The following SRGAP3 variants were observed in gnomAD, a reference collection of about 807,000 sequenced individuals.
SRGAP3 encodes the protein SLIT-ROBO Rho GTPase activating protein 3.
A neutral mutation model predicts 121.1 loss-of-function variants in SRGAP3; 39 were observed. The observed-to-expected ratio is 0.32, with a 90% CI of 0.25 to 0.42. The LOEUF (loss-of-function observed/expected upper bound fraction) is 0.42, where lower values mean the gene tolerates loss of function less well. Among genes scored for constraint, SRGAP3 ranks in the 10% least tolerant of loss-of-function variants. SRGAP3 has a pLI of 1.00. For missense variants in SRGAP3, 1,213 were observed against 1,470.6 expected, an observed-to-expected ratio of 0.82 and a Z score of 2.86; for synonymous variants, 601 against 570.0, an observed-to-expected ratio of 1.05 and a Z score of -0.77.
chr3:9,302,815 G>A (rs780736603), intron 3 of SRGAP3, among the ~76,000 whole-genome samples: 20 of 152,078 alleles, frequency 1.3e-4, no homozygotes, highest in Non-Finnish European at 2.2e-4. Context: ...ACAGTCTCCC[G>A]GGTACAAGGG....
chr3:9,268,296 G>GGCTCTC (rs1954404008), intron 3 of SRGAP3, among the ~76,000 whole-genome samples: 2 of 147,572 alleles, frequency 1.4e-5, no homozygotes, highest in Non-Finnish European at 1.5e-5. Flanking sequence ...AGAGAGAAGA[G>GGCTCTC]TCTCTCTCTC....
At chr3:9,361,957 A>G (rs2030876921) in intron 1 of SRGAP3, among the ~76,000 whole-genome samples, 1 of 152,314 alleles carries the variant, frequency 6.6e-6, no homozygotes, top group African/African-American at 2.4e-5. Context: ...ACAGAGAGGC[A>G]TGAAGCTCAA....
intron 4 of SRGAP3, among the ~76,000 whole-genome samples, chr3:9,066,870 G>A (rs1946457695): frequency 6.6e-6 from 1 of 152,186 alleles, no homozygotes; most frequent in Non-Finnish European, 1.5e-5. Context: ...CTGGCCAGGA[G>A]TCAATGTGGC....
At chr3:9,298,511 T>G (rs75514914) in intron 3 of SRGAP3, among the ~76,000 whole-genome samples, 27 of 152,268 alleles carry the variant, frequency 1.8e-4, no homozygotes, top group African/African-American at 6.3e-4. Flanking sequence ...GGCCAAACAA[T>G]TCCACCCCTC....
intron 1 of SRGAP3, among the ~76,000 whole-genome samples, chr3:9,137,390 G>A (rs777910329): frequency 6.6e-6 from 1 of 152,152 alleles, no homozygotes; most frequent in Non-Finnish European, 1.5e-5. Context: ...ATGCTGGGAA[G>A]GCAGTGCTGG....
chr3:9,305,880 G>T (rs1955152752), intron 3 of SRGAP3, among the ~76,000 whole-genome samples: 2 of 152,190 alleles, frequency 1.3e-5, no homozygotes, highest in African/African-American at 4.8e-5. Context: ...ACGTGTGCAT[G>T]TGTCTTTATA....
chr3:9,351,119 C>T (rs974355280), intron 1 of SRGAP3, among the ~76,000 whole-genome samples: 1 of 152,090 alleles, frequency 6.6e-6, no homozygotes, highest in Non-Finnish European at 1.5e-5. Flanking sequence ...AAAGGAGGCT[C>T]TTGCAACCTA....
At position 9,159,573 on chromosome 3, in the gene SRGAP3, C is replaced by A. The variant is rs77543853; in HGVS notation, c.68-34656G>T. Among the ~76,000 whole-genome samples the A allele has an allele frequency of 8.2e-3, 1,254 of 152,310 alleles. 30 individuals are homozygous for A. The highest frequency in any genetic ancestry group is 0.029 in the African/African-American group (1,196 of 41,558). The stretch of plus-strand genomic sequence containing the variant: ...CCACTCAACAGTTAAAGACACATAA[C>A]CTGGGTTTTAAACAATTTTGTGTTT... On this transcript the variant is annotated intron_variant, in intron 1 of 21. Coordinates refer to ENST00000383836, the MANE Select transcript of SRGAP3 (RefSeq NM_014850.4).
At chr3:9,254,839 AAGGGAGGGAGGG>A (rs1044000631) in intron 3 of SRGAP3, among the ~76,000 whole-genome samples, 14 of 139,254 alleles carry the variant, frequency 1.0e-4, no homozygotes, top group African/African-American at 3.3e-4. Flanking sequence ...GAGAGGAACG[AAGGGAGGGAGGG>A]AGGGAAGGAA....
chr3:9,260,398 GT>G (rs1954229779), intron 3 of SRGAP3, among the ~76,000 whole-genome samples: 1 of 152,140 alleles, frequency 6.6e-6, no homozygotes, highest in South Asian at 2.1e-4. Context: ...AAGATTCACT[GT>G]CTTGAAATTA....
At chr3:9,033,891 G>C (rs1315760015) in intron 11 of SRGAP3, 1 of 152,202 alleles carries the variant, frequency 6.6e-6, no homozygotes, top group Non-Finnish European at 1.5e-5. Flanking sequence ...CAAGTTCAGG[G>C]CTTTTCCTAC....
At chr3:9,111,428 C>A in intron 2 of SRGAP3, among the ~76,000 whole-genome samples, 1 of 152,184 alleles carries the variant, frequency 6.6e-6, no homozygotes, top group South Asian at 2.1e-4. Flanking sequence ...TGGGCAAAGG[C>A]GCCTCAGGGC....
chr3:9,332,696 T>C (rs1369368830), intron 1 of SRGAP3, among the ~76,000 whole-genome samples: 2 of 152,230 alleles, frequency 1.3e-5, no homozygotes, highest in African/African-American at 4.8e-5. Context: ...CCTTTGCTTT[T>C]AAAAACACAT....
intron 1 of SRGAP3, among the ~76,000 whole-genome samples, chr3:9,357,320 G>GGGTATTTCATGTAAATGAAATCATGTA (rs1221387705): frequency 5.9e-5 from 9 of 152,032 alleles, no homozygotes; most frequent in Non-Finnish European, 8.8e-5. Context: ...TGCCTATTCT[G>GGGTATTTCATGTAAATGAAATCATGTA]GGTATTTCAT....
intron 1 of SRGAP3, among the ~76,000 whole-genome samples, chr3:9,338,975 G>A (rs914966051): frequency 1.3e-5 from 2 of 152,210 alleles, no homozygotes; most frequent in Non-Finnish European, 2.9e-5. Flanking sequence ...CTGGAAGCTA[G>A]TACTTACGAA....
chr3:9,141,391 G>A (rs374257779), intron 1 of SRGAP3, among the ~76,000 whole-genome samples: 4 of 152,134 alleles, frequency 2.6e-5, no homozygotes, highest in Non-Finnish European at 4.4e-5. Context: ...TGCACATTGC[G>A]GCTACTGCAT....
Position 9,187,083 on chromosome 3 carries a change from G to C in SRGAP3, c.67+61802C>G, listed in dbSNP as rs200897763. Among the ~76,000 whole-genome samples the C allele has an allele frequency of 1.8e-4, 28 of 152,130 alleles. No homozygotes were observed. In the East Asian group the frequency reaches 5.4e-3, roughly 29 times the overall value. The stretch of plus-strand genomic sequence containing the variant: ...ACCCGTCAACCCGTCATCTACATTA[G>C]GTATTTCTCCTAATGCTATCCCTCC... On this transcript the variant is annotated intron_variant, in intron 1 of 21. Coordinates refer to ENST00000383836, the MANE Select transcript of SRGAP3 (RefSeq NM_014850.4).
intron 1 of SRGAP3, among the ~76,000 whole-genome samples, chr3:9,133,418 A>G (rs148590250): frequency 6.6e-6 from 1 of 152,316 alleles, no homozygotes; most frequent in African/African-American, 2.4e-5. Flanking sequence ...TGGGAGGTGG[A>G]GGTTGCAGTG....
chr3:9,117,703 C>G (rs1948854110), intron 2 of SRGAP3, among the ~76,000 whole-genome samples: 1 of 152,116 alleles, frequency 6.6e-6, no homozygotes, highest in East Asian at 1.9e-4. Flanking sequence ...ACTCTGTCAC[C>G]CCAAACACAG....
Sources: allele counts gnomAD v4.1 joint callset (sites outside exome capture counted in the v4.1 genomes callset), GRCh38; gene constraint gnomAD v4.1.1; transcripts MANE v1.5; gene names NCBI Gene and HGNC (gene_info 2026-07-23, HGNC 2026-07-21).